GSAP: variants seen among roughly 807,000 people sequenced by gnomAD.
The protein encoded by GSAP is gamma-secretase activating protein, also known as gamma-secretase-activating protein.
A neutral mutation model predicts 131.7 loss-of-function variants in GSAP; 118 were observed. The observed-to-expected ratio is 0.90, with a 90% CI of 0.77 to 1.04. The LOEUF (loss-of-function observed/expected upper bound fraction) is 1.04. Among genes scored for constraint, GSAP ranks in the 50% least tolerant of loss-of-function variants. The pLI, the probability that GSAP is intolerant of heterozygous loss-of-function variation, is 0.00. For synonymous variants in GSAP, 381 were observed against 363.4 expected, an observed-to-expected ratio of 1.05 and a Z score of -0.55; for missense variants, 1,019 against 1,013.2, an observed-to-expected ratio of 1.01 and a Z score of -0.08.
At chr7:77,406,257 A>G (rs1291720962) in intron 1 of GSAP, 152 bp from the exon 2 acceptor site, 1 of 327,570 alleles carries the variant, frequency 3.1e-6, no homozygotes, top group East Asian at 1.4e-4. Context: ...TTTTATTAGA[A>G]GTACAAACAG....
At chr7:77,315,868 T>G (rs1794914356) in intron 26 of GSAP, 1 of 151,986 alleles carries the variant, frequency 6.6e-6, no homozygotes, top group African/African-American at 2.4e-5. Context: ...GGGCTAAGAG[T>G]ATAAAAATGA....
At chr7:77,407,958 G>A (rs1348318655) in intron 1 of GSAP, among the ~76,000 whole-genome samples, 1 of 152,158 alleles carries the variant, frequency 6.6e-6, no homozygotes, top group Non-Finnish European at 1.5e-5. Context: ...ATGTGAAACT[G>A]AGCAAAAGAA....
intron 1 of GSAP, among the ~76,000 whole-genome samples, chr7:77,413,950 G>A (rs1803805882): frequency 6.6e-6 from 1 of 151,658 alleles, no homozygotes; most frequent in Admixed American, 6.6e-5. Context: ...TTTTATTTCA[G>A]GAGAAACTGT....
chr7:77,402,955 A>G (rs115049561), intron 3 of GSAP, among the ~76,000 whole-genome samples: 3,361 of 152,298 alleles, frequency 0.022, 133 homozygotes, highest in African/African-American at 0.078. Flanking sequence ...AGTGAAAAAC[A>G]TTCACTGTAC....
chr7:77,368,850 G>T (rs1167075720), intron 12 of GSAP, among the ~76,000 whole-genome samples: 1 of 152,176 alleles, frequency 6.6e-6, no homozygotes, highest in Non-Finnish European at 1.5e-5. Context: ...GGCTATAAAG[G>T]TTAGCTGGTG....
intron 14 of GSAP, 130 bp downstream of exon 14, chr7:77,360,694 T>G (rs1484609775): frequency 1.5e-5 from 9 of 582,452 alleles, no homozygotes; most frequent in Non-Finnish European, 2.6e-5. Context: ...AGATTTCAAG[T>G]GGGTCATTGA....
At chr7:77,397,757 C>A (rs562062165) in intron 3 of GSAP, among the ~76,000 whole-genome samples, 1 of 152,136 alleles carries the variant, frequency 6.6e-6, no homozygotes, top group African/African-American at 2.4e-5. Flanking sequence ...CTCTATCCCC[C>A]CATTGGTAAA....
In GSAP at chr7:77,323,667, G is replaced by A. The variant is rs760747064; in HGVS notation, c.1903C>T (p.Leu635=). The change falls in exon 24 of 31, where the codon CTG becomes TTG. Residue 635 remains leucine, a synonymous_variant. Transcript: ENST00000257626. The part of the protein sequence containing the change: ...VEKKKIEQMV[L]DYISKLLDLI... ...CCAACCAGTTTTGAAATGTAGTCCA[G>A]AACCATCTGTTCAATTTTCTTCTTT... 6.3e-7 allele frequency: 1 copy of A among 1,599,154 alleles called. No homozygotes were observed. The highest frequency in any genetic ancestry group is 1.1e-5 in the South Asian group (1 of 90,404).
chr7:77,355,447 A>C lies in GSAP; in HGVS notation c.1121-17T>G, dbSNP rs1404346556. The C allele has an allele frequency of 8.3e-6, 13 of 1,566,550 alleles. No individual in the cohort carries two copies. Among genetic ancestry groups the C allele is most frequent in the East Asian group, 6.7e-5 (3 of 44,692 alleles). ...CATTATTTCCTGGCAAAAAAAAAAAAAACAGTAGATCAGCAAATAGAAGAA... is the reference window on the plus strand; with the variant it reads ...CATTATTTCCTGGCAAAAAAAAAAACAACAGTAGATCAGCAAATAGAAGAA... On this transcript the variant is annotated splice_polypyrimidine_tract_variant and intron_variant, in intron 15 of 30. Transcript: ENST00000257626.
chr7:77,311,490 A>C, intron 30 of GSAP, 41 bp from the exon 31 acceptor site: 1 of 995,746 alleles, frequency 1.0e-6, no homozygotes, highest in Non-Finnish European at 1.6e-6. Context: ...AAGGGTTACC[A>C]TGGGTCCGTG....
chr7:77,337,477 C>A (rs1790206372), intron 19 of GSAP, among the ~76,000 whole-genome samples: 1 of 152,146 alleles, frequency 6.6e-6, no homozygotes, highest in Non-Finnish European at 1.5e-5. Context: ...ACCCAGCCTA[C>A]AACAGTTTAA....
At chr7:77,368,177 C>G (rs1795590253) in intron 12 of GSAP, among the ~76,000 whole-genome samples, 1 of 152,166 alleles carries the variant, frequency 6.6e-6, no homozygotes, top group Non-Finnish European at 1.5e-5. Context: ...CTCTGTGTCA[C>G]TCCTAGGTGG....
chr7:77,334,410 CTG>C (rs1365039712), intron 19 of GSAP, among the ~76,000 whole-genome samples: 1 of 151,562 alleles, frequency 6.6e-6, no homozygotes, highest in East Asian at 1.9e-4. Flanking sequence ...ACAACACACA[CTG>C]GGGCCTGTTG....
rs746000573 is a variant in GSAP, at chr7:77,374,170, A to T, written c.786-15T>A. The stretch of plus-strand genomic sequence containing the variant: ...AGTTGACAAGTCTAAGAACATAAAG[A>T]ATGAGAAATTATTGAATGCATTTAA... On this transcript the variant is annotated splice_polypyrimidine_tract_variant and intron_variant, in intron 11 of 30. Coordinates refer to ENST00000257626, the MANE Select transcript of GSAP (RefSeq NM_017439.4). 2.2e-6 allele frequency: 3 copies of T among 1,369,732 alleles called. No homozygotes were observed. In the Admixed American group the frequency reaches 5.8e-5, roughly 27 times the overall value. 84.8% of individuals were successfully genotyped at this position (1,369,732 alleles called of 1,614,324 possible). A position where few individuals can be genotyped will look rare whatever the true frequency, so the allele number is the denominator to read the frequency against.
intron 16 of GSAP, among the ~76,000 whole-genome samples, chr7:77,355,009 C>G (rs961890839): frequency 2.0e-5 from 3 of 152,016 alleles, no homozygotes; most frequent in South Asian, 4.2e-4. Flanking sequence ...AAGGGGGTAC[C>G]CAAAAGAACA....
intron 16 of GSAP, among the ~76,000 whole-genome samples, chr7:77,355,006 TA>T (rs1345327652): frequency 6.6e-6 from 1 of 151,912 alleles, no homozygotes; most frequent in African/African-American, 2.4e-5. Flanking sequence ...GAAAAGGGGG[TA>T]CCCAAAAGAA....
At chr7:77,394,742 T>G (rs1162317918) in intron 5 of GSAP, among the ~76,000 whole-genome samples, 1 of 152,224 alleles carries the variant, frequency 6.6e-6, no homozygotes, top group Non-Finnish European at 1.5e-5. Context: ...ACCATTTATC[T>G]TTCAGCTCCT....
At chr7:77,383,711 G>T (rs1798114589) in intron 6 of GSAP, among the ~76,000 whole-genome samples, 1 of 152,266 alleles carries the variant, frequency 6.6e-6, no homozygotes, top group South Asian at 2.1e-4. Flanking sequence ...TGACTCAAAA[G>T]GGCAATTGTA....
At chr7:77,415,015 G>T (rs373123118) in intron 1 of GSAP, among the ~76,000 whole-genome samples, 2 of 151,762 alleles carry the variant, frequency 1.3e-5, no homozygotes, top group Admixed American at 6.6e-5. Flanking sequence ...GTGTCACCAC[G>T]CCCAGCTAAT....
Sources: gnomAD v4.1 joint callset for allele counts (sites outside exome capture counted in the v4.1 genomes callset) on GRCh38, gnomAD v4.1.1 for gene constraint, MANE v1.5 for transcripts, NCBI Gene and HGNC (gene_info 2026-07-23, HGNC 2026-07-21) for gene names.